The following INO80 variants were observed in gnomAD, a reference collection of about 807,000 sequenced individuals.
INO80 encodes the protein INO80 complex ATPase subunit.
Under a neutral mutation model 203.4 loss-of-function variants are expected in INO80, and 20 were observed. That is an observed-to-expected ratio of 0.10 (90% confidence interval 0.07 to 0.14). The LOEUF is 0.14. Among genes scored for constraint, INO80 ranks in the 10% least tolerant of loss-of-function variants. INO80 has a pLI of 1.00. For missense variants in INO80, 1,419 were observed against 1,914.4 expected (o/e 0.74, Z 4.83); for synonymous variants, 726 against 685.2 (o/e 1.06, Z -0.93).
intron 7 of INO80, among the ~76,000 whole-genome samples, chr15:41,084,206 A>C (rs1286601475): frequency 6.6e-6 from 1 of 152,086 alleles, no homozygotes; most frequent in Non-Finnish European, 1.5e-5. Flanking sequence ...TTAAAAAAAA[A>C]AAAAAAACGC....
chr15:41,087,410 C>G, intron 6 of INO80, 152 bp downstream of exon 6: 3 of 811,978 alleles, frequency 3.7e-6, no homozygotes, highest in Non-Finnish European at 3.8e-6. Flanking sequence ...AAAGGGAAAA[C>G]TGTACTTGCT....
intron 15 of INO80, among the ~76,000 whole-genome samples, chr15:41,059,524 T>G (rs895670057): frequency 6.0e-5 from 9 of 150,130 alleles, no homozygotes; most frequent in African/African-American, 2.2e-4. Context: ...ATTAGCTGGG[T>G]GTGCTGTCTC....
At chr15:41,100,216 A>G (rs996024999) in intron 1 of INO80, among the ~76,000 whole-genome samples, 11 of 151,998 alleles carry the variant, frequency 7.2e-5, no homozygotes, top group African/African-American at 2.7e-4. Flanking sequence ...CTGGGACTAC[A>G]GGCGCCTGCC....
Position 40,985,386 on chromosome 15 carries a change from G to C in INO80, c.3873C>G (p.Thr1291=). 1 of 1,614,002 alleles carries C rather than the reference G, an allele frequency of 6.2e-7. No homozygotes were observed. Among genetic ancestry groups the C allele is most frequent in the Non-Finnish European group, 8.5e-7 (1 of 1,179,968 alleles). Residue 1291 remains threonine, a synonymous_variant, in exon 32 of 36, where the codon ACC becomes ACG. Transcript: ENST00000648947. ...TCCGCTTGCGCTCTTTCACTCGGTT[G>C]GTTTCCTCCTGTTGCCGTTTCTCTT... is the stretch of plus-strand genomic sequence containing the variant. The part of the protein sequence containing the change: ...RQEEKRQQEE[T]NRVKERKRKR...
At chr15:41,068,367 C>G (rs771521674) in intron 14 of INO80, among the ~76,000 whole-genome samples, 131 of 152,032 alleles carry the variant, frequency 8.6e-4, no homozygotes, top group Non-Finnish European at 1.5e-3. Flanking sequence ...CCAGCCTGAC[C>G]AACATCGTCA....
chr15:41,024,217 G>A (rs2044341225), intron 25 of INO80, among the ~76,000 whole-genome samples: 1 of 152,152 alleles, frequency 6.6e-6, no homozygotes, highest in Non-Finnish European at 1.5e-5. Context: ...TCTTTGGCCA[G>A]GAGCCCAGGA....
rs552164909 is a variant in INO80 at position 41,087,056 on chromosome 15, A to C, written c.658+506T>G. ...AAGACTATAAGCCAAATATGAATTA[A>C]GGTTAATAATATAGTCTACCCTTCC... On this transcript the variant is annotated intron_variant, in intron 6 of 35. Transcript: ENST00000648947. Among the ~76,000 whole-genome samples, 7 of 152,310 alleles carry C rather than the reference A, an allele frequency of 4.6e-5. No individual in the cohort carries two copies. The South Asian group carries it at 1.4e-3, about 32-fold the overall frequency.
At chr15:40,985,270 C>T in intron 32 of INO80, 68 bp downstream of exon 32, 1 of 1,120,296 alleles carries the variant, frequency 8.9e-7, no homozygotes, top group South Asian at 1.2e-5. Flanking sequence ...AGCCATGTAC[C>T]CCAAAGCCTT....
At chr15:41,024,835 C>G (rs1245429385) in intron 25 of INO80, among the ~76,000 whole-genome samples, 2 of 152,176 alleles carry the variant, frequency 1.3e-5, no homozygotes, top group East Asian at 3.9e-4. Flanking sequence ...ATCAGTTTCT[C>G]TCTCCCCAAT....
At chr15:40,990,297 T>C (rs945706773) in intron 29 of INO80, among the ~76,000 whole-genome samples, 6 of 152,184 alleles carry the variant, frequency 3.9e-5, no homozygotes, top group African/African-American at 1.2e-4. Context: ...CTAACTTCTA[T>C]GGTGTCAATT....
rs147075525 is a variant in INO80, at chr15:40,985,374, T to C, written c.3885A>G (p.Lys1295=). The change falls in exon 32 of 36, where the codon AAA becomes AAG. Residue 1295 remains lysine, a synonymous_variant. Transcript: ENST00000648947. The part of the protein sequence containing the change: ...KRQQEETNRV[K]ERKRKREKYA... ...ACTTTTCCCGCTTCCGCTTGCGCTC[T>C]TTCACTCGGTTGGTTTCCTCCTGTT... The C allele has an allele frequency of 4.3e-6, 7 of 1,613,944 alleles. No individual in the cohort carries two copies. The African/African-American group carries it at 9.3e-5, about 22-fold the overall frequency.
At chr15:40,982,324 T>G (rs974757667) in intron 35 of INO80, among the ~76,000 whole-genome samples, 1 of 152,080 alleles carries the variant, frequency 6.6e-6, no homozygotes, top group African/African-American at 2.4e-5. Flanking sequence ...TTTTTTGTGT[T>G]TTTTGGTAGA....
intron 27 of INO80, 57 bp from the exon 28 acceptor site, chr15:41,005,744 T>C: frequency 1.0e-6 from 1 of 970,268 alleles, no homozygotes; most frequent in South Asian, 1.4e-5. Context: ...GTATTCTGAT[T>C]TCCACAGGCA....
At position 41,114,794 on chromosome 15, in the gene INO80, T is replaced by C. The variant is rs557196652; in HGVS notation, c.-44+1179A>G. On this transcript the variant is annotated intron_variant, in intron 1 of 35. Coordinates refer to ENST00000648947, the MANE Select transcript of INO80 (RefSeq NM_017553.3). ...AAACACCATGTTAAGTGAAACAAAC[T>C]AGGCAAAGAAAGATACATATGTTTC... Among the ~76,000 whole-genome samples the C allele has an allele frequency of 8.6e-5, 13 of 151,714 alleles. No individual in the cohort carries two copies. In the South Asian group the frequency reaches 2.7e-3, roughly 32 times the overall value.
chr15:41,047,077 C>T (rs1333101878), intron 23 of INO80, among the ~76,000 whole-genome samples: 2 of 152,050 alleles, frequency 1.3e-5, no homozygotes, highest in African/African-American at 4.8e-5. Context: ...AAGCAATTCT[C>T]CTGCCTCAGC....
At chr15:41,001,054 C>T (rs2043953284) in intron 28 of INO80, among the ~76,000 whole-genome samples, 1 of 152,176 alleles carries the variant, frequency 6.6e-6, no homozygotes, top group Non-Finnish European at 1.5e-5. Context: ...GACTATACTG[C>T]TGTAAAAAAC....
chr15:40,982,172 A>T (rs1230272776), intron 35 of INO80, among the ~76,000 whole-genome samples: 1 of 152,152 alleles, frequency 6.6e-6, no homozygotes, highest in Non-Finnish European at 1.5e-5. Flanking sequence ...TTTTTGAGAG[A>T]GTCTTGCTCT....
chr15:41,005,076 T>C (rs1459202406), intron 28 of INO80, among the ~76,000 whole-genome samples: 1 of 151,594 alleles, frequency 6.6e-6, no homozygotes, highest in Non-Finnish European at 1.5e-5. Flanking sequence ...ATGTCTGTAA[T>C]CCCAGCTACT....
At chr15:41,115,450 G>A (rs2046018916) in intron 1 of INO80, among the ~76,000 whole-genome samples, 3 of 152,184 alleles carry the variant, frequency 2.0e-5, no homozygotes, top group Admixed American at 2.0e-4. Flanking sequence ...GTGTCAGCCT[G>A]CCCCCACCCA....
Sources: gnomAD v4.1 joint callset for allele counts (sites outside exome capture counted in the v4.1 genomes callset) on GRCh38, gnomAD v4.1.1 for gene constraint, MANE v1.5 for transcripts, NCBI Gene and HGNC (gene_info 2026-07-23, HGNC 2026-07-21) for gene names.